TENM1: variants seen among roughly 807,000 people sequenced by gnomAD.
TENM1 encodes teneurin transmembrane protein 1, also known as teneurin-1.
TENM1 carries 35 observed loss-of-function variants against 174.8 expected under a neutral mutation model. The ratio of observed to expected loss-of-function variants is 0.20; its 90% CI spans 0.15 to 0.27. The LOEUF (loss-of-function observed/expected upper bound fraction) is 0.27. TENM1 is among the 10% of genes least tolerant of loss of function. TENM1 has a pLI of 1.00. For missense variants in TENM1, 1,633 were observed against 2,130.1 expected, an observed-to-expected ratio of 0.77 and a Z score of 4.59; for synonymous variants, 781 against 798.7, an observed-to-expected ratio of 0.98 and a Z score of 0.37.
At position 124,521,038 on chromosome X, in the gene TENM1, G is replaced by T. The variant is rs746696815; in HGVS notation, c.3034-254C>A. On this transcript the variant is annotated intron_variant, in intron 17 of 31. Transcript: ENST00000422452. The stretch of plus-strand genomic sequence containing the variant: ...TTTATTTTTTCCCCATGCCAGGAAA[G>T]ATTGTGTAAGGAACAATTTCAGCTT... 3.8e-4 allele frequency among the ~76,000 whole-genome samples: 43 copies of T among 111,721 alleles called. 1 individual carries two copies. Among genetic ancestry groups the T allele is most frequent in the African/African-American group, 1.3e-3 (41 of 30,780 alleles).
At chrX:124,977,063 T>C in the TENM1 span, among the ~76,000 whole-genome samples, 15 of 111,939 alleles carry the variant, frequency 1.3e-4, no homozygotes, top group East Asian at 2.8e-4. Context: ...AGAAAGGACA[T>C]TGAACTTGGA....
intron 11 of TENM1, among the ~76,000 whole-genome samples, chrX:124,586,907 G>A (rs1400624889): frequency 9.1e-6 from 1 of 109,612 alleles, no homozygotes; most frequent in Non-Finnish European, 1.9e-5. Context: ...GACAAACAGA[G>A]AGCCAAATCA....
chrX:124,625,662 G>T (rs184201848), intron 11 of TENM1, among the ~76,000 whole-genome samples: 2 of 110,778 alleles, frequency 1.8e-5, no homozygotes, highest in Non-Finnish European at 3.8e-5. Flanking sequence ...TACAATCATG[G>T]CAGAAGGCAA....
rs374876907 is a variant in TENM1, at chrX:124,380,736, T to C, written c.7999A>G (p.Thr2667Ala). The C allele has an allele frequency of 1.4e-5, 17 of 1,211,555 alleles. No individual in the cohort carries two copies. In the African/African-American group the frequency reaches 1.6e-4, roughly 11 times the overall value. ...TCTTGCAGCCTTCTTTGTTCCTTAG[T>C]CCAGGCCTGGGCCACTGCGCGCTGT... Residue 2667 changes from threonine (T) to alanine (A), a missense_variant, in exon 32 of 32, where the codon ACT (threonine) becomes GCT (alanine). Around this residue, in one of 4 missense-constraint regions of TENM1, gnomAD observed 807 missense variants for 1,125.3 expected, o/e 0.72. Coordinates refer to ENST00000422452, the Ensembl canonical transcript of TENM1.
At chrX:125,137,944 A>G in the TENM1 span, among the ~76,000 whole-genome samples, 1 of 112,023 alleles carries the variant, frequency 8.9e-6, no homozygotes, top group African/African-American at 3.2e-5. Flanking sequence ...ATAACTCATG[A>G]TTAATAACTC....
At position 124,605,085 on chromosome X, in the gene TENM1, T is replaced by C. The variant is rs774202618; in HGVS notation, c.2077+36706A>G. ...GCCCCAAGAACAGTGCTGCAAGGAC[T>C]ACTGTGAAGTCAAAGTGTCAGGCTT... On this transcript the variant is annotated intron_variant, in intron 11 of 31. Coordinates refer to ENST00000422452, the Ensembl canonical transcript of TENM1. 1.1e-4 allele frequency among the ~76,000 whole-genome samples: 12 copies of C among 106,276 alleles called. No individual in the cohort carries two copies. The South Asian group carries it at 5.2e-3, about 46-fold the overall frequency. The allele number at this position is 106,276 out of a possible 115,157, so 92.3% of individuals were successfully genotyped here.
intron 3 of TENM1, among the ~76,000 whole-genome samples, chrX:124,865,264 A>T: frequency 8.9e-6 from 1 of 112,279 alleles, no homozygotes; most frequent in Non-Finnish European, 1.9e-5. Context: ...TCTAAGTAGA[A>T]AGACTAAATA....
In TENM1 at chrX:124,589,841, CTT is replaced by C. The variant is rs1254884068; in HGVS notation, c.2078-24283_2078-24282del. Among the ~76,000 whole-genome samples, 3 of 111,224 alleles carry C rather than the reference CTT, an allele frequency of 2.7e-5. No homozygotes were observed. In the South Asian group the frequency reaches 1.1e-3, roughly 41 times the overall value. On this transcript the variant is annotated intron_variant, in intron 11 of 31. Transcript: ENST00000422452. ...TTAATCTAGCTAGTGGTGTATCCAT[CTT>C]TTTTATCCTTTCAAATAACTAACTT...
chrX:124,568,872 G>C (rs1372476947), intron 11 of TENM1, among the ~76,000 whole-genome samples: 1 of 110,874 alleles, frequency 9.0e-6, no homozygotes, highest in Non-Finnish European at 1.9e-5. Flanking sequence ...CAGTCTCATG[G>C]AATCAGAAAA....
chrX:124,818,897 A>C (rs1052774562), intron 3 of TENM1, among the ~76,000 whole-genome samples: 4 of 111,603 alleles, frequency 3.6e-5, no homozygotes, highest in Admixed American at 9.5e-5. Flanking sequence ...AAATTGGTTC[A>C]GGTCAGTACA....
chrX:124,749,788 T>C (rs1017337660), intron 3 of TENM1, among the ~76,000 whole-genome samples: 2 of 111,815 alleles, frequency 1.8e-5, no homozygotes, highest in African/African-American at 6.5e-5. Context: ...CTGCTCAATT[T>C]TGTAACTGTG....
the TENM1 span, among the ~76,000 whole-genome samples, chrX:125,037,598 GT>G: frequency 9.0e-6 from 1 of 111,021 alleles, no homozygotes; most frequent in Non-Finnish European, 1.9e-5. Context: ...CTGTCAACAA[GT>G]TTTATAAGCT....
chrX:125,186,976 A>T, the TENM1 span, among the ~76,000 whole-genome samples: 1 of 112,474 alleles, frequency 8.9e-6, no homozygotes, highest in Non-Finnish European at 1.9e-5. Context: ...TTAAAAAGTC[A>T]TTCATGGCAG....
chrX:124,499,083 C>A (rs1301023604), intron 19 of TENM1, among the ~76,000 whole-genome samples: 1 of 111,636 alleles, frequency 9.0e-6, no homozygotes, highest in Non-Finnish European at 1.9e-5. Flanking sequence ...AAGGCATGCC[C>A]ATGTGTCAGA....
chrX:124,826,603 TATG>T (rs1450857093), intron 3 of TENM1, among the ~76,000 whole-genome samples: 1 of 111,702 alleles, frequency 9.0e-6, no homozygotes, highest in East Asian at 2.8e-4. Context: ...ACATAAATAA[TATG>T]ATCCAAATTA....
At chrX:124,668,444 C>A (rs2051829077) in intron 6 of TENM1, among the ~76,000 whole-genome samples, 1 of 112,029 alleles carries the variant, frequency 8.9e-6, no homozygotes, top group African/African-American at 3.2e-5. Context: ...GACTTGGAAC[C>A]AACCCAAATG....
At chrX:124,377,913 T>C (rs2060119483) in exon 32 of TENM1, 1 of 112,280 alleles carries the variant, frequency 8.9e-6, no homozygotes, top group Non-Finnish European at 1.9e-5. Flanking sequence ...GAATAGGAAG[T>C]GATATACTCA....
chrX:124,769,382 C>A (rs747293301), intron 3 of TENM1, among the ~76,000 whole-genome samples: 2 of 111,635 alleles, frequency 1.8e-5, no homozygotes, highest in Non-Finnish European at 3.8e-5. Flanking sequence ...CATCAAGCAT[C>A]AACTCCCCCG....
chrX:125,012,374 G>C, the TENM1 span, among the ~76,000 whole-genome samples: 2 of 111,890 alleles, frequency 1.8e-5, no homozygotes, highest in African/African-American at 6.5e-5. Flanking sequence ...CTTAAAAAAA[G>C]AAACAAGAAC....
Sources: gnomAD v4.1 joint callset for allele counts (sites outside exome capture counted in the v4.1 genomes callset) on GRCh38, gnomAD v4.1.1 for gene constraint, gnomAD v4.1.1 regional missense constraint, MANE v1.5 for transcripts, NCBI Gene and HGNC (gene_info 2026-07-23, HGNC 2026-07-21) for gene names.